The following SLC12A5 variants were observed in gnomAD, a reference collection of about 807,000 sequenced individuals.
The protein encoded by SLC12A5 is solute carrier family 12 member 5.
Under a neutral mutation model 124.0 loss-of-function variants are expected in SLC12A5, and 18 were observed. The observed-to-expected ratio is 0.15, with a 90% CI of 0.10 to 0.22. The LOEUF is 0.22. Among genes scored for constraint, SLC12A5 ranks in the 10% least tolerant of loss-of-function variants. The pLI is 1.00. For missense variants in SLC12A5, 867 were observed against 1,478.7 expected (o/e 0.59, Z 6.78); for synonymous variants, 589 against 568.0 (o/e 1.04, Z -0.53).
At chr20:46,048,147 A>G in intron 16 of SLC12A5, 62 bp downstream of exon 16, 7 of 1,452,782 alleles carry the variant, frequency 4.8e-6, no homozygotes, top group Non-Finnish European at 6.6e-6. Flanking sequence ...GGCTCAGGAG[A>G]CAGGGGGAAG....
Position 46,056,008 on chromosome 20 carries a change from T to TCTC in SLC12A5, c.2788-141_2788-139dup. 1 of 1,179,238 alleles carries TCTC rather than the reference T, an allele frequency of 8.5e-7. No homozygotes were observed. The highest frequency in any genetic ancestry group is 1.5e-5 in the South Asian group (1 of 64,582). The allele number at this position is 1,179,238 out of a possible 1,614,324, so 73.0% of individuals were successfully genotyped here. A position where few individuals can be genotyped will look rare whatever the true frequency, so the allele number is the denominator to read the frequency against. On this transcript the variant is annotated intron_variant, in intron 21 of 25. Coordinates refer to ENST00000243964, the MANE Select transcript of SLC12A5 (RefSeq NM_020708.5). This position sits in a 1 kb window ranked among gnomAD's most constrained non-coding sequence, Gnocchi z 4.3. ...GATCAGTGGTGCAGTAGCTATTTGG[T>TCTC]CTCAAATCATAGCAATATTTTAACA...
rs1600609420 is a variant in SLC12A5, at chr20:46,058,770, C to T, written c.*1165C>T. ...AGGGGGCCGATTCTGGTTTAGGGGCCGGACCCACTGAGAGGCCCCAGAGCC... is the reference window on the plus strand; with the variant it reads ...AGGGGGCCGATTCTGGTTTAGGGGCTGGACCCACTGAGAGGCCCCAGAGCC... On this transcript the variant is annotated 3_prime_UTR_variant, in exon 26 of 26. Transcript: ENST00000243964. This position sits in a 1 kb window ranked among gnomAD's most constrained non-coding sequence, Gnocchi z 5.8. The T allele has an allele frequency of 1.0e-5, 4 of 398,498 alleles. No individual in the cohort carries two copies. The highest frequency in any genetic ancestry group is 3.6e-5 in the East Asian group (1 of 28,084). The allele number at this position is 398,498 out of a possible 1,614,324, so 24.7% of individuals were successfully genotyped here. A position where few individuals can be genotyped will look rare whatever the true frequency, so the allele number is the denominator to read the frequency against.
At chr20:46,046,638 G>A (rs147154570) in intron 14 of SLC12A5, among the ~76,000 whole-genome samples, 392 of 152,322 alleles carry the variant, frequency 2.6e-3, no homozygotes, top group African/African-American at 8.9e-3. Context: ...TAACATAGCA[G>A]CATCATAAGC....
In SLC12A5 at chr20:46,035,934, C is replaced by T. The variant is rs1352948585; in HGVS notation, c.426+11C>T. The T allele has an allele frequency of 3.8e-6, 6 of 1,599,934 alleles. No individual in the cohort carries two copies. The highest frequency in any genetic ancestry group is 1.7e-5 in the Admixed American group (1 of 59,542). On this transcript the variant is annotated intron_variant, in intron 4 of 25. Coordinates refer to ENST00000243964, the MANE Select transcript of SLC12A5 (RefSeq NM_020708.5). The stretch of plus-strand genomic sequence containing the variant: ...ATCTGCTGCTCCTGTGTGAGTGACA[C>T]CCCTCCCCTCACCACCCCCTGACAG...
chr20:46,029,235 G>T lies in SLC12A5; in HGVS notation c.-110G>T. The T allele has an allele frequency of 1.4e-6, 2 of 1,454,082 alleles. No homozygotes were observed. Among genetic ancestry groups the T allele is most frequent in the Non-Finnish European group, 1.8e-6 (2 of 1,102,118 alleles). The allele number at this position is 1,454,082 out of a possible 1,614,324, so 90.1% of individuals were successfully genotyped here. On this transcript the variant is annotated 5_prime_UTR_variant, in exon 1 of 26. Coordinates refer to ENST00000243964, the MANE Select transcript of SLC12A5 (RefSeq NM_020708.5). Reference sequence around the variant, plus strand: ...CGGGCACTGCAGCTTCTTCCTCCGTGGAGCGGAGAGCGAGACAGAGCTACA... The same window carrying T: ...CGGGCACTGCAGCTTCTTCCTCCGTTGAGCGGAGAGCGAGACAGAGCTACA...
At position 46,053,669 on chromosome 20, in the gene SLC12A5, A is replaced by G. The variant is rs1270290272; in HGVS notation, c.2639A>G (p.Tyr880Cys). Reference protein sequence around the residue: ...QMKKDLTTFLYHLRITAEVEV... With the variant: ...QMKKDLTTFLCHLRITAEVEV... ...AAGAAGGATCTGACCACATTTCTGT[A>G]TCATTTACGCATCACTGCGGAGGTC... Residue 880 changes from tyrosine (Y) to cysteine (C), a missense_variant, in exon 20 of 26, where the codon TAT becomes TGT. Tyr to Cys is a radical substitution (Grantham distance 194). This residue lies in a region of SLC12A5 where 70 missense variants were observed against 157.2 expected (regional missense o/e 0.45). Transcript: ENST00000243964. This position sits in a 1 kb window ranked among gnomAD's most constrained non-coding sequence, Gnocchi z 4.7. 1 of 1,612,724 alleles carries G rather than the reference A, an allele frequency of 6.2e-7. No homozygotes were observed. The highest frequency in any genetic ancestry group is 8.5e-7 in the Non-Finnish European group (1 of 1,179,042).
Position 46,049,778 on chromosome 20 carries a change from G to A in SLC12A5, c.2169G>A (p.Gln723=). Residue 723 remains glutamine, a synonymous_variant, in exon 17 of 26, where the codon CAG becomes CAA. Transcript: ENST00000243964. ...TTCTGGAAAATCATCCACAGGCCCA[G>A]CGGGCAGAAGAGGTGAGCAGAGGCC... ...GTFLENHPQA[Q]RAEESIRRLM... The A allele has an allele frequency of 6.3e-7, 1 of 1,595,684 alleles. No individual in the cohort carries two copies. The highest frequency in any genetic ancestry group is 8.5e-7 in the Non-Finnish European group (1 of 1,171,674).
At chr20:46,036,256 T>G (rs1227686336) in intron 4 of SLC12A5, 3 of 278,896 alleles carry the variant, frequency 1.1e-5, no homozygotes, top group South Asian at 1.0e-4. Context: ...CTCACAAAAA[T>G]GAGATTACAT....
At chr20:46,033,675 CCTTCTCTT>C (rs2084473036) in intron 1 of SLC12A5, among the ~76,000 whole-genome samples, 3 of 152,288 alleles carry the variant, frequency 2.0e-5, no homozygotes, top group African/African-American at 7.2e-5. Context: ...CCTCCAAACT[CCTTCTCTT>C]CTAGTCTTCC....
Position 46,049,775 on chromosome 20 carries a change from C to T in SLC12A5, c.2166C>T (p.Ala722=), listed in dbSNP as rs565296563. 1 of 1,597,176 alleles carries T rather than the reference C, an allele frequency of 6.3e-7. No individual in the cohort carries two copies. Among genetic ancestry groups the T allele is most frequent in the South Asian group, 1.1e-5 (1 of 87,516 alleles). Residue 722 remains alanine (A), a synonymous_variant, in exon 17 of 26, where the codon GCC becomes GCT. Transcript: ENST00000243964. ...EGTFLENHPQ[A]QRAEESIRRL... is the part of the protein sequence containing the mutation. Reference sequence around the variant, plus strand: ...CCTTTCTGGAAAATCATCCACAGGCCCAGCGGGCAGAAGAGGTGAGCAGAG... The same window carrying T: ...CCTTTCTGGAAAATCATCCACAGGCTCAGCGGGCAGAAGAGGTGAGCAGAG...
chr20:46,035,344 C>T, intron 2 of SLC12A5, 60 bp from the exon 3 acceptor site: 1 of 1,570,360 alleles, frequency 6.4e-7, no homozygotes, highest in Non-Finnish European at 8.6e-7. Flanking sequence ...CTGCCCTTCG[C>T]CACCCAGCTC....
intron 21 of SLC12A5, among the ~76,000 whole-genome samples, chr20:46,055,605 C>T (rs2084682456): frequency 6.6e-6 from 1 of 152,004 alleles, no homozygotes; most frequent in Admixed American, 6.5e-5. Context: ...GTGGTGTTAC[C>T]CCAGCTGGGG....
intron 8 of SLC12A5, 47 bp from the exon 9 acceptor site, chr20:46,043,106 G>A (rs759505301): frequency 1.9e-6 from 3 of 1,591,960 alleles, no homozygotes; most frequent in South Asian, 2.2e-5. Context: ...CCAGAGCTCT[G>A]GTCCCCTTAT....
chr20:46,057,668 G>T lies in SLC12A5; in HGVS notation c.*63G>T. 8.1e-7 allele frequency: 1 copy of T among 1,237,700 alleles called. No individual in the cohort carries two copies. Among genetic ancestry groups the T allele is most frequent in the Non-Finnish European group, 1.1e-6 (1 of 890,180 alleles). The allele number at this position is 1,237,700 out of a possible 1,614,324, so 76.7% of individuals were successfully genotyped here. On this transcript the variant is annotated 3_prime_UTR_variant, in exon 26 of 26. Transcript: ENST00000243964. The surrounding 1 kb of genome is among the most constrained non-coding windows in gnomAD (Gnocchi z 7.1). ...CCCGCGGCTCCGGAGCCCTCGCCGC[G>T]CCCCCCGCCGCTGTCACCGTTTACA...
At chr20:46,022,498 C>A (rs796317878) in intron 1 of SLC12A5, among the ~76,000 whole-genome samples, 22 of 152,086 alleles carry the variant, frequency 1.4e-4, no homozygotes, top group African/African-American at 5.3e-4. Context: ...CGGTGCCTGG[C>A]GGATCCTCCA....
chr20:46,044,089 C>T (rs2084572804), intron 11 of SLC12A5, among the ~76,000 whole-genome samples, 156 bp downstream of exon 11: 1 of 152,180 alleles, frequency 6.6e-6, no homozygotes, highest in Non-Finnish European at 1.5e-5. Context: ...TCTTATATTT[C>T]ATCTTCCTTC....
chr20:46,022,807 T>G, intron 1 of SLC12A5: 1 of 399,094 alleles, frequency 2.5e-6, no homozygotes, highest in Non-Finnish European at 4.4e-6. Context: ...CCTTCTGGCC[T>G]TCGGTGGAGA....
upstream of SLC12A5, among the ~76,000 whole-genome samples, chr20:46,026,086 C>A (rs533598857): frequency 2.0e-5 from 3 of 152,292 alleles, no homozygotes; most frequent in African/African-American, 7.2e-5. Flanking sequence ...TACAAGTTCA[C>A]CCCATGAAGA....
chr20:46,025,247 C>G (rs1336048118), upstream of SLC12A5, among the ~76,000 whole-genome samples: 1 of 152,204 alleles, frequency 6.6e-6, no homozygotes, highest in African/African-American at 2.4e-5. Flanking sequence ...GTCTCTCCAT[C>G]TGTAAATTGG....
Sources: gnomAD v4.1 joint callset for allele counts (sites outside exome capture counted in the v4.1 genomes callset) on GRCh38, gnomAD v4.1.1 for gene constraint, gnomAD v4.1.1 regional missense constraint, Gnocchi (gnomAD v3.1) non-coding constraint, MANE v1.5 for transcripts, NCBI Gene and HGNC (gene_info 2026-07-23, HGNC 2026-07-21) for gene names.